The following ADAMTS3 variants were observed in gnomAD, a reference collection of about 807,000 sequenced individuals.
ADAMTS3 encodes the protein A disintegrin and metalloproteinase with thrombospondin motifs 3.
A neutral mutation model predicts 129.0 loss-of-function variants in ADAMTS3; 73 were observed. The observed-to-expected ratio is 0.57, with a 90% CI of 0.47 to 0.69. ADAMTS3 has a LOEUF of 0.69. Among genes scored for constraint, ADAMTS3 ranks in the 30% least tolerant of loss-of-function variants. The pLI, the probability that ADAMTS3 is intolerant of heterozygous loss-of-function variation, is 0.00. For missense variants in ADAMTS3, 1,457 were observed against 1,514.5 expected (o/e 0.96, Z 0.63); for synonymous variants, 477 against 510.8 (o/e 0.93, Z 0.89).
At chr4:72,361,226 C>T (rs912872526) in intron 4 of ADAMTS3, among the ~76,000 whole-genome samples, 2 of 152,146 alleles carry the variant, frequency 1.3e-5, no homozygotes, top group African/African-American at 4.8e-5. Flanking sequence ...TGCTCCATTT[C>T]CCAAGCTGGT....
chr4:72,349,009 T>C (rs1720360066), intron 4 of ADAMTS3, among the ~76,000 whole-genome samples: 1 of 151,962 alleles, frequency 6.6e-6, no homozygotes, highest in South Asian at 2.1e-4. Context: ...TTCTGACCTA[T>C]AGACTGTGAG....
intron 3 of ADAMTS3, among the ~76,000 whole-genome samples, chr4:72,437,556 A>C (rs1717977832): frequency 6.6e-6 from 1 of 151,802 alleles, no homozygotes; most frequent in Non-Finnish European, 1.5e-5. Flanking sequence ...CTCTCAAGTA[A>C]GTGTTTACTG....
At chr4:72,344,194 T>C (rs999498527) in intron 4 of ADAMTS3, among the ~76,000 whole-genome samples, 2 of 152,192 alleles carry the variant, frequency 1.3e-5, no homozygotes, top group South Asian at 4.1e-4. Context: ...ACTAAACAGA[T>C]AAAGTAGAAT....
chr4:72,564,967 T>C (rs1304280928), intron 2 of ADAMTS3, among the ~76,000 whole-genome samples: 1 of 152,162 alleles, frequency 6.6e-6, no homozygotes. Context: ...AACGGGAGAA[T>C]GCTTGGCAGT....
intron 17 of ADAMTS3, among the ~76,000 whole-genome samples, chr4:72,299,231 G>A (rs940169387): frequency 1.3e-5 from 2 of 152,024 alleles, no homozygotes; most frequent in African/African-American, 2.4e-5. Context: ...AGAGGGAATG[G>A]AAGGAGGGCT....
Position 72,315,838 on chromosome 4 carries a change from G to C in ADAMTS3, c.1599+20C>G. On this transcript the variant is annotated intron_variant, in intron 11 of 21. Coordinates refer to ENST00000286657, the MANE Select transcript of ADAMTS3 (RefSeq NM_014243.3). ...ATGCAACATATCTTACATATTTATT[G>C]TGTAAATAGATATACTCACTTTTCC... is the stretch of plus-strand genomic sequence containing the variant. 7.0e-7 allele frequency: 1 copy of C among 1,420,714 alleles called. No individual in the cohort carries two copies. Among genetic ancestry groups the C allele is most frequent in the Non-Finnish European group, 9.9e-7 (1 of 1,010,198 alleles). The allele number at this position is 1,420,714 out of a possible 1,614,324, so 88.0% of individuals were successfully genotyped here. A position where few individuals can be genotyped will look rare whatever the true frequency, so the allele number is the denominator to read the frequency against.
intron 5 of ADAMTS3, among the ~76,000 whole-genome samples, chr4:72,332,522 C>G (rs1254690477): frequency 6.6e-6 from 1 of 152,106 alleles, no homozygotes; most frequent in Non-Finnish European, 1.5e-5. Flanking sequence ...TTTCTTTGTA[C>G]TGGGAGGCAT....
chr4:72,288,640 G>T, intron 21 of ADAMTS3, 111 bp downstream of exon 21: 2 of 722,198 alleles, frequency 2.8e-6, no homozygotes, highest in Non-Finnish European at 4.9e-6. Context: ...GTTTTCCTTT[G>T]GTTATTTATC....
At chr4:72,312,159 A>C in intron 13 of ADAMTS3, 132 bp downstream of exon 13, 1 of 890,510 alleles carries the variant, frequency 1.1e-6, no homozygotes, top group Non-Finnish European at 1.7e-6. Flanking sequence ...AACCCAGGAG[A>C]ACTTACTCCT....
At chr4:72,360,822 A>C (rs1205874223) in intron 4 of ADAMTS3, among the ~76,000 whole-genome samples, 1 of 152,082 alleles carries the variant, frequency 6.6e-6, no homozygotes, top group African/African-American at 2.4e-5. Context: ...TCTTGGTACA[A>C]AACATGCATG....
intron 7 of ADAMTS3, among the ~76,000 whole-genome samples, chr4:72,320,366 C>A (rs1285885301): frequency 6.6e-6 from 1 of 152,156 alleles, no homozygotes; most frequent in African/African-American, 2.4e-5. Flanking sequence ...TAAATGTAAG[C>A]TGACTTTGGA....
intron 21 of ADAMTS3, among the ~76,000 whole-genome samples, chr4:72,287,391 C>A (rs1392124250): frequency 1.4e-5 from 2 of 146,948 alleles, no homozygotes; most frequent in African/African-American, 2.5e-5. Context: ...ACAGACATAC[C>A]AAGTTGGAGA....
chr4:72,420,027 G>A (rs1446720175), intron 3 of ADAMTS3, among the ~76,000 whole-genome samples: 2 of 152,066 alleles, frequency 1.3e-5, no homozygotes, highest in African/African-American at 2.4e-5. Context: ...GAAGAGAAAA[G>A]GGCAGGGGAG....
chr4:72,450,881 T>C (rs1009981360), intron 3 of ADAMTS3, among the ~76,000 whole-genome samples: 3 of 145,522 alleles, frequency 2.1e-5, no homozygotes, highest in South Asian at 4.4e-4. Flanking sequence ...AAAACAGGAA[T>C]AAATGGGAGC....
intron 4 of ADAMTS3, among the ~76,000 whole-genome samples, chr4:72,379,025 T>C (rs1002613299): frequency 3.9e-5 from 6 of 152,212 alleles, no homozygotes; most frequent in Admixed American, 3.9e-4. Flanking sequence ...TCCTGAACAG[T>C]TCCCAACATG....
intron 3 of ADAMTS3, among the ~76,000 whole-genome samples, chr4:72,496,640 G>A (rs1041700198): frequency 6.6e-6 from 1 of 152,042 alleles, no homozygotes; most frequent in Non-Finnish European, 1.5e-5. Context: ...AGAAGCCATC[G>A]ATTATACTGT....
chr4:72,497,761 T>C lies in ADAMTS3; in HGVS notation c.504+50717A>G, dbSNP rs1257506015. ...AATGATTATCATCAGAAAAAAAGTC[T>C]ATTTACATTAACATAAAAACTGACC... is the stretch of plus-strand genomic sequence containing the variant. On this transcript the variant is annotated intron_variant, in intron 3 of 21. Transcript: ENST00000286657. Among the ~76,000 whole-genome samples the C allele has an allele frequency of 6.6e-5, 10 of 152,028 alleles. No homozygotes were observed. In the East Asian group the frequency reaches 1.9e-3, roughly 29 times the overall value.
intron 3 of ADAMTS3, among the ~76,000 whole-genome samples, chr4:72,541,480 A>C (rs1721322388): frequency 1.3e-5 from 2 of 152,174 alleles, no homozygotes; most frequent in South Asian, 4.1e-4. Context: ...ACTGTTGGGA[A>C]GGCATGATTG....
chr4:72,424,728 A>G (rs1722528353), intron 3 of ADAMTS3, among the ~76,000 whole-genome samples: 1 of 152,092 alleles, frequency 6.6e-6, no homozygotes, highest in Non-Finnish European at 1.5e-5. Flanking sequence ...AGTAACAGGA[A>G]CAGTTTTTCT....
Sources: allele counts gnomAD v4.1 joint callset (sites outside exome capture counted in the v4.1 genomes callset), GRCh38; gene constraint gnomAD v4.1.1; transcripts MANE v1.5; gene names NCBI Gene and HGNC (gene_info 2026-07-23, HGNC 2026-07-21).